OPCML: variants seen among roughly 807,000 people sequenced by gnomAD.
OPCML encodes the protein opioid-binding protein/cell adhesion molecule.
In OPCML, 13 loss-of-function variants were observed where a neutral mutation model predicts 37.8. The observed-to-expected ratio is 0.34, with a 90% confidence interval of 0.22 to 0.55. The LOEUF (loss-of-function observed/expected upper bound fraction) is 0.55. Among genes scored for constraint, OPCML ranks in the 20% least tolerant of loss-of-function variants. The pLI is 0.91. For missense variants in OPCML, 341 were observed against 435.6 expected, an observed-to-expected ratio of 0.78 and a Z score of 1.93; for synonymous variants, 176 against 168.8, an observed-to-expected ratio of 1.04 and a Z score of -0.33.
intron 1 of OPCML, among the ~76,000 whole-genome samples, chr11:133,273,831 C>T (rs1306974545): frequency 6.6e-6 from 1 of 152,178 alleles, no homozygotes. Context: ...TCAATGGAAT[C>T]TTTCAATCAG....
chr11:133,157,169 A>G (rs937968404), intron 1 of OPCML, among the ~76,000 whole-genome samples: 4 of 152,236 alleles, frequency 2.6e-5, no homozygotes, highest in Non-Finnish European at 5.9e-5. Context: ...CTCTTGCTGA[A>G]GGACAAGAAA....
chr11:132,495,422 G>A (rs1565612256), intron 4 of OPCML, among the ~76,000 whole-genome samples: 1 of 152,196 alleles, frequency 6.6e-6, no homozygotes, highest in Non-Finnish European at 1.5e-5. Flanking sequence ...AAACTTGAAA[G>A]TGAAGGTTTA....
chr11:133,023,823 A>T (rs546412919), intron 1 of OPCML, among the ~76,000 whole-genome samples: 5 of 152,258 alleles, frequency 3.3e-5, no homozygotes, highest in Non-Finnish European at 7.3e-5. Flanking sequence ...AGGCTGACTC[A>T]TAGTGATGGA....
At chr11:132,886,768 C>T (rs1286447697) in intron 2 of OPCML, among the ~76,000 whole-genome samples, 1 of 152,172 alleles carries the variant, frequency 6.6e-6, no homozygotes, top group Non-Finnish European at 1.5e-5. Flanking sequence ...GATGAGATGT[C>T]CCTGCAGCAT....
In OPCML at chr11:132,667,725, G is replaced by T. The variant is rs191996205; in HGVS notation, c.147-10406C>A. Among the ~76,000 whole-genome samples the T allele has an allele frequency of 3.0e-3, 460 of 152,304 alleles. 3 individuals carry two copies. Among genetic ancestry groups the T allele is most frequent in the South Asian group, 5.0e-3 (24 of 4,814 alleles). The stretch of plus-strand genomic sequence containing the variant: ...TGGAAGACTAAGTTATCAGTTGAAG[G>T]TAAATGGAAGAACAGAAGAAAGGGG... On this transcript the variant is annotated intron_variant, in intron 2 of 7. Transcript: ENST00000524381.
chr11:133,087,716 A>G (rs1429507646), intron 1 of OPCML, among the ~76,000 whole-genome samples: 1 of 152,258 alleles, frequency 6.6e-6, no homozygotes, highest in Non-Finnish European at 1.5e-5. Flanking sequence ...AGCGTGCCAG[A>G]GAACAGTATT....
intron 1 of OPCML, among the ~76,000 whole-genome samples, chr11:133,313,420 T>A (rs1943113684): frequency 2.6e-5 from 4 of 152,248 alleles, no homozygotes; most frequent in Admixed American, 2.6e-4. Flanking sequence ...ATAATGTCCC[T>A]CACTTCCAAG....
chr11:133,227,960 G>C (rs1290627290), intron 1 of OPCML, among the ~76,000 whole-genome samples: 1 of 152,244 alleles, frequency 6.6e-6, no homozygotes, highest in Non-Finnish European at 1.5e-5. Context: ...TTCCTGAGCA[G>C]CAGTGGAGTG....
chr11:132,502,837 G>T (rs538348025), intron 4 of OPCML, among the ~76,000 whole-genome samples: 1 of 152,124 alleles, frequency 6.6e-6, no homozygotes, highest in African/African-American at 2.4e-5. Flanking sequence ...AGAGTGGGGC[G>T]CCTTGGCTTA....
chr11:133,205,960 T>C lies in OPCML; in HGVS notation c.62-262950A>G, dbSNP rs1193185329. ...GCTCTGTAATCTTGCACAAGTTATG[T>C]ATATCCACTTAGCCCCAGCTCCCTG... On this transcript the variant is annotated intron_variant, in intron 1 of 7. Transcript: ENST00000524381. The surrounding 1 kb of genome is among the most constrained non-coding windows in gnomAD (Gnocchi z 4.8). Among the ~76,000 whole-genome samples the C allele has an allele frequency of 1.3e-5, 2 of 152,188 alleles. No homozygotes were observed. The highest frequency in any genetic ancestry group is 1.5e-5 in the Non-Finnish European group (1 of 68,036).
At chr11:133,061,679 C>A (rs981007167) in intron 1 of OPCML, among the ~76,000 whole-genome samples, 4 of 152,182 alleles carry the variant, frequency 2.6e-5, no homozygotes, top group African/African-American at 9.6e-5. Context: ...AAACATTATT[C>A]TTTTAAAGAT....
chr11:132,575,374 G>A (rs931009855), intron 3 of OPCML, among the ~76,000 whole-genome samples: 5 of 151,836 alleles, frequency 3.3e-5, no homozygotes, highest in Admixed American at 3.3e-4. Flanking sequence ...TTTTTGTACT[G>A]ATATGCTTTG....
chr11:133,128,639 G>A (rs553084194), intron 1 of OPCML, among the ~76,000 whole-genome samples: 5 of 152,304 alleles, frequency 3.3e-5, no homozygotes, highest in East Asian at 3.9e-4. Context: ...ATAGCTTGGC[G>A]TAAGCAGCCT....
chr11:133,400,983 AG>A (rs1412635778), intron 1 of OPCML, among the ~76,000 whole-genome samples: 3 of 152,212 alleles, frequency 2.0e-5, no homozygotes, highest in Non-Finnish European at 1.5e-5. Context: ...CCTGTTAACA[AG>A]CGTCAGAATA....
intron 1 of OPCML, among the ~76,000 whole-genome samples, chr11:132,978,143 C>T (rs533972777): frequency 6.6e-6 from 1 of 152,284 alleles, no homozygotes; most frequent in South Asian, 2.1e-4. Flanking sequence ...CAGACAGGGA[C>T]ATCACCTTCA....
chr11:133,058,028 T>C (rs1948272171), intron 1 of OPCML, among the ~76,000 whole-genome samples: 1 of 152,266 alleles, frequency 6.6e-6, no homozygotes, highest in Non-Finnish European at 1.5e-5. Context: ...TAGAGCTATG[T>C]CTGTTTTACT....
rs183093378 is a variant in OPCML, at chr11:132,788,026, G to A, written c.147-130707C>T. On this transcript the variant is annotated intron_variant, in intron 2 of 7. Transcript: ENST00000524381. ...CTCCCGAGTAGCTGGGACTACAGGC[G>A]CACGCCACCATGCCCAGCTAATTTT... Among the ~76,000 whole-genome samples, 469 of 152,100 alleles carry A rather than the reference G, an allele frequency of 3.1e-3. 2 individuals are homozygous for A. The highest frequency in any genetic ancestry group is 8.0e-3 in the Admixed American group (122 of 15,280).
intron 1 of OPCML, among the ~76,000 whole-genome samples, chr11:133,488,037 T>TAGATGC (rs1488272566): frequency 6.6e-6 from 1 of 152,084 alleles, no homozygotes; most frequent in Admixed American, 6.5e-5. Flanking sequence ...ATCATTTCAA[T>TAGATGC]AGATGCAGAA....
chr11:132,866,671 A>G (rs1472860412), intron 2 of OPCML, among the ~76,000 whole-genome samples: 1 of 152,236 alleles, frequency 6.6e-6, no homozygotes, highest in Non-Finnish European at 1.5e-5. Context: ...ATAATGACGA[A>G]TATTTGCATA....
Sources: allele counts gnomAD v4.1 joint callset (sites outside exome capture counted in the v4.1 genomes callset), GRCh38; gene constraint gnomAD v4.1.1; non-coding constraint Gnocchi (gnomAD v3.1); transcripts MANE v1.5; gene names NCBI Gene and HGNC (gene_info 2026-07-23, HGNC 2026-07-21).